The following SLC44A5 variants were observed in gnomAD, a reference collection of about 807,000 sequenced individuals.
SLC44A5 encodes solute carrier family 44 member 5.
A neutral mutation model predicts 101.8 loss-of-function variants in SLC44A5; 57 were observed. The ratio of observed to expected loss-of-function variants is 0.56; its 90% CI spans 0.45 to 0.70. SLC44A5 has a LOEUF of 0.70. SLC44A5 is among the 30% of genes least tolerant of loss of function. The probability of loss-of-function intolerance (pLI) is 0.00; values close to 1 mark genes in which losing one functional copy is unlikely to be tolerated. For missense variants in SLC44A5, 737 were observed against 853.1 expected, an observed-to-expected ratio of 0.86 and a Z score of 1.70; for synonymous variants, 281 against 290.9, an observed-to-expected ratio of 0.97 and a Z score of 0.35.
At chr1:75,524,079 T>C (rs1670289398) in intron 2 of SLC44A5, among the ~76,000 whole-genome samples, 1 of 152,208 alleles carries the variant, frequency 6.6e-6, no homozygotes, top group Non-Finnish European at 1.5e-5. Flanking sequence ...TAATCTGCAG[T>C]GTTTGAGAAA....
chr1:75,558,417 C>A (rs554251589), intron 1 of SLC44A5, among the ~76,000 whole-genome samples: 11 of 152,120 alleles, frequency 7.2e-5, no homozygotes, highest in Non-Finnish European at 1.6e-4. Context: ...ACAGCCATCA[C>A]GCTGTACTAA....
intron 23 of SLC44A5, among the ~76,000 whole-genome samples, chr1:75,204,279 C>T (rs1646712565): frequency 2.6e-5 from 4 of 151,928 alleles, no homozygotes. Context: ...GGAACATTGC[C>T]CTGGTTTTTC....
intron 2 of SLC44A5, among the ~76,000 whole-genome samples, chr1:75,438,542 T>C (rs1269015568): frequency 1.3e-5 from 2 of 151,828 alleles, no homozygotes; most frequent in African/African-American, 4.8e-5. Context: ...GAAGAGGAAG[T>C]GGGGTATGTG....
At chr1:75,459,974 G>A (rs1477012741) in intron 2 of SLC44A5, among the ~76,000 whole-genome samples, 1 of 152,188 alleles carries the variant, frequency 6.6e-6, no homozygotes, top group Admixed American at 6.5e-5. Flanking sequence ...AAACCAGGAA[G>A]AAGAAGTAGG....
At chr1:75,573,127 C>CAAAAAAAAAA (rs745593621) in intron 1 of SLC44A5, among the ~76,000 whole-genome samples, 1 of 16,688 alleles carries the variant, frequency 6.0e-5, no homozygotes, top group African/African-American at 2.5e-4. Flanking sequence ...GGCTCCATCT[C>CAAAAAAAAAA]AAAAAAAAAA....
At chr1:75,369,953 A>G (rs1228510476) in intron 3 of SLC44A5, among the ~76,000 whole-genome samples, 1 of 152,216 alleles carries the variant, frequency 6.6e-6, no homozygotes, top group Non-Finnish European at 1.5e-5. Flanking sequence ...ATTACCATGT[A>G]TGCAATCCAG....
intron 18 of SLC44A5, among the ~76,000 whole-genome samples, chr1:75,216,605 T>C (rs1197835668): frequency 2.6e-5 from 4 of 151,978 alleles, no homozygotes; most frequent in African/African-American, 9.7e-5. Context: ...CCAACACTTG[T>C]TATTTTCTGC....
chr1:75,659,455 A>C, the SLC44A5 span, among the ~76,000 whole-genome samples: 1 of 78,134 alleles, frequency 1.3e-5, no homozygotes. Context: ...GAAGGAAGGA[A>C]GGAAGGAAGG....
At chr1:75,645,044 G>T in the SLC44A5 span, among the ~76,000 whole-genome samples, 2 of 152,042 alleles carry the variant, frequency 1.3e-5, no homozygotes. Context: ...CATTTGGGTT[G>T]GTTCCAAGTC....
the SLC44A5 span, among the ~76,000 whole-genome samples, chr1:75,695,784 T>G: frequency 6.7e-6 from 1 of 148,298 alleles, no homozygotes; most frequent in Non-Finnish European, 1.5e-5. Flanking sequence ...ATAGTATTCA[T>G]GATACTATGT....
intron 1 of SLC44A5, among the ~76,000 whole-genome samples, chr1:75,550,389 G>A (rs1179481746): frequency 1.3e-5 from 2 of 152,034 alleles, no homozygotes; most frequent in Admixed American, 6.6e-5. Context: ...AGGGGCTGGA[G>A]GATGGGCATG....
intron 2 of SLC44A5, among the ~76,000 whole-genome samples, chr1:75,456,306 C>T (rs965107129): frequency 7.2e-5 from 11 of 152,076 alleles, no homozygotes; most frequent in African/African-American, 2.2e-4. Flanking sequence ...ACATTAGGTA[C>T]TCATGGACAT....
intron 4 of SLC44A5, among the ~76,000 whole-genome samples, chr1:75,331,915 A>T (rs1295192373): frequency 7.2e-5 from 11 of 152,028 alleles, no homozygotes; most frequent in Non-Finnish European, 1.6e-4. Flanking sequence ...TTCCTTCATC[A>T]CCAAATCTAA....
At chr1:75,233,754 T>C (rs1423245148) in intron 12 of SLC44A5, among the ~76,000 whole-genome samples, 1 of 152,114 alleles carries the variant, frequency 6.6e-6, no homozygotes, top group African/African-American at 2.4e-5. Context: ...CAAAGGCTGG[T>C]AGGGAAAAGA....
chr1:75,712,813 A>T, the SLC44A5 span, among the ~76,000 whole-genome samples: 2 of 151,774 alleles, frequency 1.3e-5, no homozygotes, highest in Non-Finnish European at 2.9e-5. Context: ...TATTTATCTG[A>T]GGGAAAAAAA....
intron 2 of SLC44A5, among the ~76,000 whole-genome samples, chr1:75,444,510 A>AAAGAAAGAAAGAAAGAAAG (rs1665428599): frequency 8.7e-6 from 1 of 114,698 alleles, no homozygotes; most frequent in Non-Finnish European, 2.0e-5. Flanking sequence ...AAGAAAGAAA[A>AAAGAAAGAAAGAAAGAAAG]AGAAAAGAAA....
chr1:75,509,554 C>T (rs1669452897), intron 2 of SLC44A5, among the ~76,000 whole-genome samples: 1 of 151,932 alleles, frequency 6.6e-6, no homozygotes. Flanking sequence ...GAAAAGATAC[C>T]CAGTAATTTA....
intron 2 of SLC44A5, among the ~76,000 whole-genome samples, chr1:75,442,307 T>A (rs999299396): frequency 1.3e-5 from 2 of 152,146 alleles, no homozygotes; most frequent in Non-Finnish European, 2.9e-5. Flanking sequence ...AAAGGAAGAC[T>A]ATTCAGGAGA....
intron 6 of SLC44A5, among the ~76,000 whole-genome samples, chr1:75,264,456 C>G (rs902693311): frequency 3.9e-5 from 6 of 152,080 alleles, no homozygotes; most frequent in African/African-American, 1.4e-4. Context: ...TCTTCTTAGA[C>G]CACAATAGAA....
Sources: gnomAD v4.1 joint callset for allele counts (sites outside exome capture counted in the v4.1 genomes callset) on GRCh38, gnomAD v4.1.1 for gene constraint, MANE v1.5 for transcripts, NCBI Gene and HGNC (gene_info 2026-07-23, HGNC 2026-07-21) for gene names.